FAM169A: variants seen among roughly 807,000 people sequenced by gnomAD.
FAM169A encodes soluble lamin-associated protein of 75 kDa.
FAM169A carries 24 observed loss-of-function variants against 75.7 expected under a neutral mutation model. The ratio of observed to expected loss-of-function variants is 0.32; its 90% CI spans 0.23 to 0.45. The LOEUF (loss-of-function observed/expected upper bound fraction) is 0.45. Among genes scored for constraint, FAM169A ranks in the 20% least tolerant of loss-of-function variants. FAM169A has a pLI of 1.00. For synonymous variants in FAM169A, 271 were observed against 271.0 expected (o/e 1.00, Z 0.00); for missense variants, 673 against 784.0 (o/e 0.86, Z 1.69).
chr5:74,788,009 C>CTT (rs1415968213), intron 11 of FAM169A, among the ~76,000 whole-genome samples: 1 of 152,174 alleles, frequency 6.6e-6, no homozygotes, highest in African/African-American at 2.4e-5. Context: ...TGCTGTGAGT[C>CTT]TTTCTCCCAT....
chr5:74,839,116 A>G, intron 3 of FAM169A, 66 bp from the exon 4 acceptor site: 1 of 1,067,024 alleles, frequency 9.4e-7, no homozygotes, highest in African/African-American at 1.6e-5. Context: ...TAATAAGGCC[A>G]TATTGTACTA....
chr5:74,809,401 T>C (rs992635326), intron 6 of FAM169A, among the ~76,000 whole-genome samples: 3 of 151,864 alleles, frequency 2.0e-5, no homozygotes, highest in Non-Finnish European at 4.4e-5. Flanking sequence ...GAGACCATCC[T>C]GGCTAACACA....
At chr5:74,858,150 G>A (rs1749821210) in intron 1 of FAM169A, among the ~76,000 whole-genome samples, 1 of 151,610 alleles carries the variant, frequency 6.6e-6, no homozygotes, top group Non-Finnish European at 1.5e-5. Context: ...TACTTTGGGA[G>A]GCCAAGGCAG....
intron 1 of FAM169A, among the ~76,000 whole-genome samples, chr5:74,862,722 C>A (rs1011576722): frequency 6.6e-6 from 1 of 152,170 alleles, no homozygotes; most frequent in African/African-American, 2.4e-5. Flanking sequence ...TAATTCTATA[C>A]CTGAGAAGTT....
intron 5 of FAM169A, among the ~76,000 whole-genome samples, chr5:74,833,695 A>G (rs1356230193): frequency 6.6e-6 from 1 of 152,164 alleles, no homozygotes; most frequent in African/African-American, 2.4e-5. Flanking sequence ...TTCTCTGTGA[A>G]AGGTCTTTTG....
chr5:74,793,386 A>T (rs1415279880), intron 11 of FAM169A, among the ~76,000 whole-genome samples: 3 of 152,102 alleles, frequency 2.0e-5, no homozygotes, highest in Non-Finnish European at 4.4e-5. Flanking sequence ...CACAAAAATG[A>T]ATGAAATAAT....
intron 11 of FAM169A, among the ~76,000 whole-genome samples, chr5:74,795,593 T>A (rs1051588915): frequency 6.6e-6 from 1 of 152,186 alleles, no homozygotes; most frequent in Non-Finnish European, 1.5e-5. Context: ...TCAACAGTCA[T>A]CAAATTTTTT....
At chr5:74,796,253 T>C (rs1746268828) in intron 10 of FAM169A, 67 bp from the exon 11 acceptor site, 3 of 1,404,544 alleles carry the variant, frequency 2.1e-6, no homozygotes, top group Non-Finnish European at 2.9e-6. Flanking sequence ...TCAGAAGTCC[T>C]TTCTTAAAGT....
chr5:74,840,014 T>A (rs1186884302), intron 3 of FAM169A, 60 bp downstream of exon 3: 1 of 867,720 alleles, frequency 1.2e-6, no homozygotes, highest in Non-Finnish European at 1.8e-6. Context: ...ACCTTTTAAA[T>A]AAATTTCTAA....
chr5:74,799,085 A>G (rs1746428650), intron 10 of FAM169A: 1 of 985,324 alleles, frequency 1.0e-6, no homozygotes, highest in Admixed American at 1.7e-5. Flanking sequence ...AATAATCACG[A>G]AGTGCACATC....
At chr5:74,822,349 G>GT (rs1165948745) in intron 5 of FAM169A, among the ~76,000 whole-genome samples, 1 of 152,200 alleles carries the variant, frequency 6.6e-6, no homozygotes, top group Non-Finnish European at 1.5e-5. Flanking sequence ...CCATGTAGTT[G>GT]TAACAGTGAC....
intron 10 of FAM169A, among the ~76,000 whole-genome samples, chr5:74,797,017 G>A (rs112440331): frequency 1.6e-4 from 25 of 152,196 alleles, no homozygotes; most frequent in African/African-American, 6.0e-4. Context: ...CCCCAATTCA[G>A]CTTCAGACTT....
At chr5:74,862,094 C>G (rs1750065515) in intron 1 of FAM169A, among the ~76,000 whole-genome samples, 1 of 152,210 alleles carries the variant, frequency 6.6e-6, no homozygotes, top group African/African-American at 2.4e-5. Flanking sequence ...CCTCTGTCAC[C>G]TCCATAGCCA....
At chr5:74,857,290 C>T (rs966778535) in intron 1 of FAM169A, among the ~76,000 whole-genome samples, 5 of 151,876 alleles carry the variant, frequency 3.3e-5, no homozygotes, top group African/African-American at 4.8e-5. Context: ...GTGGCTCACA[C>T]CTGTAATCCT....
intron 10 of FAM169A, chr5:74,798,896 T>C (rs1375883906): frequency 3.2e-6 from 2 of 622,992 alleles, no homozygotes; most frequent in African/African-American, 3.7e-5. Flanking sequence ...ACTAGAGCCC[T>C]GTTCACATCG....
At chr5:74,829,870 G>A (rs978175993) in intron 5 of FAM169A, among the ~76,000 whole-genome samples, 3 of 152,088 alleles carry the variant, frequency 2.0e-5, no homozygotes, top group Non-Finnish European at 4.4e-5. Context: ...CTACTCAGAA[G>A]GCTGAGGCAA....
At chr5:74,801,531 A>G in intron 9 of FAM169A, 59 bp downstream of exon 9, 1 of 1,297,298 alleles carries the variant, frequency 7.7e-7, no homozygotes, top group Non-Finnish European at 1.1e-6. Context: ...ACACACACAC[A>G]CACAGCCCTA....
Position 74,778,961 on chromosome 5 carries a change from T to C in FAM169A, c.*2499A>G, listed in dbSNP as rs1745266421. 1 of 152,142 alleles carries C rather than the reference T, an allele frequency of 6.6e-6. No individual in the cohort carries two copies. Among genetic ancestry groups the C allele is most frequent in the South Asian group, 2.1e-4 (1 of 4,836 alleles). 9.4% of individuals were successfully genotyped at this position (152,142 alleles called of 1,614,324 possible). On this transcript the variant is annotated 3_prime_UTR_variant, in exon 13 of 13. Coordinates refer to ENST00000687041, the MANE Select transcript of FAM169A (RefSeq NM_001376049.1). ...ATGTAGGTTCCTTATTGAAGATAAA[T>C]TGTGGTATAAATTCTATACTCAAGT... is the stretch of plus-strand genomic sequence containing the variant.
chr5:74,808,782 T>C (rs554544331), intron 6 of FAM169A, among the ~76,000 whole-genome samples: 1 of 151,596 alleles, frequency 6.6e-6, no homozygotes, highest in South Asian at 2.1e-4. Context: ...GAAAGCAGAG[T>C]GGTATTAGGG....
Sources: gnomAD v4.1 joint callset for allele counts (sites outside exome capture counted in the v4.1 genomes callset) on GRCh38, gnomAD v4.1.1 for gene constraint, MANE v1.5 for transcripts, NCBI Gene and HGNC (gene_info 2026-07-23, HGNC 2026-07-21) for gene names.